Variants in ZNF638 observed in about 807,000 individuals in gnomAD.
ZNF638 encodes the protein CTCL tumor antigen se33-1.
ZNF638 carries 46 observed loss-of-function variants against 195.6 expected under a neutral mutation model. The ratio of observed to expected loss-of-function variants is 0.24; its 90% confidence interval spans 0.19 to 0.30. The LOEUF (loss-of-function observed/expected upper bound fraction) is 0.30, where lower values mean the gene tolerates loss of function less well. Ranked by LOEUF, ZNF638 falls within the 10% of genes least tolerant of loss-of-function variation. The pLI is 1.00. For missense variants in ZNF638, 2,440 were observed against 2,325.3 expected (o/e 1.05, Z -1.01); for synonymous variants, 845 against 772.0 (o/e 1.09, Z -1.57).
chr2:71,410,001 C>G (rs188511696), intron 20 of ZNF638, among the ~76,000 whole-genome samples: 1 of 152,092 alleles, frequency 6.6e-6, no homozygotes, highest in East Asian at 1.9e-4. Flanking sequence ...TTTGCTCTTA[C>G]GTATTTCATT....
intron 6 of ZNF638, among the ~76,000 whole-genome samples, chr2:71,366,751 C>T (rs1573057111): frequency 1.3e-5 from 2 of 152,242 alleles, no homozygotes; most frequent in Middle Eastern, 3.4e-3. Flanking sequence ...TGGTACAGTT[C>T]AGAAGTCAAA....
intron 20 of ZNF638, among the ~76,000 whole-genome samples, chr2:71,411,269 A>T (rs1370886654): frequency 5.3e-5 from 8 of 151,120 alleles, no homozygotes; most frequent in Non-Finnish European, 1.0e-4. Flanking sequence ...AAGTGCTGGG[A>T]TTACAGGGAT....
chr2:71,394,832 T>A (rs1052888159), intron 10 of ZNF638, among the ~76,000 whole-genome samples: 2 of 149,522 alleles, frequency 1.3e-5, no homozygotes, highest in Non-Finnish European at 3.0e-5. Context: ...CTAATGAACT[T>A]CTCTTACAGC....
intron 20 of ZNF638, among the ~76,000 whole-genome samples, chr2:71,409,753 G>C (rs1021590513): frequency 4.6e-5 from 7 of 152,142 alleles, no homozygotes; most frequent in African/African-American, 1.7e-4. Flanking sequence ...TCTCCTTTCA[G>C]AGCTATTCTT....
Position 71,368,407 on chromosome 2 carries a change from A to T in ZNF638, c.2021A>T (p.Tyr674Phe), listed in dbSNP as rs2079244812. The stretch of plus-strand genomic sequence containing the variant: ...CTTCGGAAAGAACAGTCATTGCATT[A>T]TGGTTCGGTTCTTCTTATAACTGAA... The part of the protein sequence containing the change: ...RKLRKEQSLH[Y>F]GSVLLITELP... The change falls in exon 7 of 28, where the codon TAT becomes TTT. Residue 674 changes from tyrosine to phenylalanine, a missense_variant. By Grantham distance (22) the Tyr-to-Phe change is conservative. Coordinates refer to ENST00000264447, the MANE Select transcript of ZNF638 (RefSeq NM_014497.5). 1.2e-6 allele frequency: 2 copies of T among 1,612,478 alleles called. No homozygotes were observed. Among genetic ancestry groups the T allele is most frequent in the East Asian group, 4.5e-5 (2 of 44,734 alleles).
intron 21 of ZNF638, among the ~76,000 whole-genome samples, chr2:71,420,637 G>A (rs1224698657): frequency 6.6e-6 from 1 of 152,290 alleles, no homozygotes; most frequent in East Asian, 1.9e-4. Context: ...TGGCAAATGA[G>A]ATATCTGTAT....
At chr2:71,340,817 T>C (rs2078750950) in intron 1 of ZNF638, among the ~76,000 whole-genome samples, 1 of 152,232 alleles carries the variant, frequency 6.6e-6, no homozygotes, top group South Asian at 2.1e-4. Flanking sequence ...TGTTACTTCC[T>C]AGCTGTGTTT....
At chr2:71,432,714 A>G (rs1462521398) in intron 26 of ZNF638, among the ~76,000 whole-genome samples, 1 of 152,202 alleles carries the variant, frequency 6.6e-6, no homozygotes, top group Non-Finnish European at 1.5e-5. Flanking sequence ...TAAAATTACT[A>G]CTATTGATCC....
chr2:71,392,682 G>A (rs923622599), intron 10 of ZNF638, among the ~76,000 whole-genome samples: 4 of 151,968 alleles, frequency 2.6e-5, no homozygotes, highest in East Asian at 1.9e-4. Flanking sequence ...CCACCCAGTC[G>A]CTTCAGTTTT....
intron 3 of ZNF638, among the ~76,000 whole-genome samples, chr2:71,358,854 CA>C (rs2079064589): frequency 6.6e-6 from 1 of 152,134 alleles, no homozygotes; most frequent in East Asian, 1.9e-4. Flanking sequence ...CATAGTATTT[CA>C]AATTTTTGCA....
intron 20 of ZNF638, among the ~76,000 whole-genome samples, chr2:71,411,475 T>TG (rs60111906): frequency 0.28 from 12,633 of 45,216 alleles, 666 homozygotes; most frequent in East Asian, 0.53. Flanking sequence ...TTATTTTTAA[T>TG]TTTTTTTTTT....
In ZNF638 at chr2:71,331,845, T is replaced by A. The variant is rs1426775065; in HGVS notation, c.-233T>A. 1.0e-6 allele frequency: 1 copy of A among 986,132 alleles called. No individual in the cohort carries two copies. Among genetic ancestry groups the A allele is most frequent in the Non-Finnish European group, 1.2e-6 (1 of 830,254 alleles). The allele number at this position is 986,132 out of a possible 1,614,324, so 61.1% of individuals were successfully genotyped here. On this transcript the variant is annotated 5_prime_UTR_variant, in exon 1 of 28. It removes an upstream start codon present in the reference 5' UTR. Coordinates refer to ENST00000264447, the MANE Select transcript of ZNF638 (RefSeq NM_014497.5). ...AGTGCTAAACTGTGTGGGGCGCGGA[T>A]GGGATCCAGCTGTTAGTCGGGTAGG...
chr2:71,347,406 T>C (rs553806373), intron 1 of ZNF638, among the ~76,000 whole-genome samples: 4 of 152,136 alleles, frequency 2.6e-5, no homozygotes, highest in Non-Finnish European at 4.4e-5. Context: ...ATAAAGACCA[T>C]TTTCCCAGCC....
At chr2:71,348,022 T>C (rs2078880191) in intron 1 of ZNF638, among the ~76,000 whole-genome samples, 1 of 152,220 alleles carries the variant, frequency 6.6e-6, no homozygotes. Flanking sequence ...ACGTGGACAG[T>C]GCTCTATATA....
chr2:71,400,270 CTT>C, intron 14 of ZNF638, 90 bp downstream of exon 14: 2 of 1,124,742 alleles, frequency 1.8e-6, no homozygotes, highest in Non-Finnish European at 2.5e-6. Context: ...CGATTCATGT[CTT>C]TATCTCTTAA....
In ZNF638 at chr2:71,423,064, G is replaced by A. The variant is rs781009521; in HGVS notation, c.3550G>A (p.Ala1184Thr). ...VKEEIPLVAS[A>T]SVSIEQFTEN... ...AGAAGAAATTCCTCTTGTAGCATCC[G>A]CTTCAGTCAGTATTGAACAATTCAC... Residue 1184 changes from alanine (A) to threonine (T), a missense_variant, in exon 22 of 28, where the codon GCT (alanine) becomes ACT (threonine). By Grantham distance (58) the Ala-to-Thr change is moderately conservative (BLOSUM62 0). Transcript: ENST00000264447. 6.2e-6 allele frequency: 10 copies of A among 1,614,106 alleles called. No homozygotes were observed. The highest frequency in any genetic ancestry group is 2.2e-5 in the South Asian group (2 of 91,082).
intron 27 of ZNF638, among the ~76,000 whole-genome samples, chr2:71,434,203 T>G (rs1287149941): frequency 6.6e-6 from 1 of 152,238 alleles, no homozygotes; most frequent in Admixed American, 6.5e-5. Flanking sequence ...CTTTTCTGGC[T>G]CTCTCTGTTC....
chr2:71,402,248 T>G (rs988127540), intron 16 of ZNF638, among the ~76,000 whole-genome samples, 161 bp downstream of exon 16: 1 of 152,184 alleles, frequency 6.6e-6, no homozygotes, highest in Non-Finnish European at 1.5e-5. Context: ...TCCTGTATTT[T>G]AGTATTGTTG....
intron 21 of ZNF638, 117 bp from the exon 22 acceptor site, chr2:71,422,697 G>A (rs1411557607): frequency 1.9e-6 from 2 of 1,051,926 alleles, no homozygotes; most frequent in African/African-American, 1.6e-5. Context: ...AATGCATCAG[G>A]AAGTCTTAAC....
Sources: allele counts gnomAD v4.1 joint callset (sites outside exome capture counted in the v4.1 genomes callset), GRCh38; gene constraint gnomAD v4.1.1; transcripts MANE v1.5; gene names NCBI Gene and HGNC (gene_info 2026-07-23, HGNC 2026-07-21).